The following STK32B variants were observed in gnomAD, a reference collection of about 807,000 sequenced individuals.
STK32B encodes the protein serine/threonine-protein kinase 32B.
STK32B carries 43 observed loss-of-function variants against 52.6 expected under a neutral mutation model. The ratio of observed to expected loss-of-function variants is 0.82; its 90% CI spans 0.64 to 1.05. The LOEUF is 1.05. Ranked by LOEUF, STK32B falls within the 50% of genes least tolerant of loss-of-function variation. STK32B has a pLI of 0.00. For synonymous variants in STK32B, 238 were observed against 204.3 expected (o/e 1.17, Z -1.41); for missense variants, 621 against 534.6 (o/e 1.16, Z -1.59).
chr4:5,305,058 A>T (rs28767499), intron 3 of STK32B, among the ~76,000 whole-genome samples: 1,744 of 124,802 alleles, frequency 0.014, 22 homozygotes, highest in South Asian at 0.058. Flanking sequence ...ATGGTGGATT[A>T]TTTTTTAGAT....
intron 3 of STK32B, among the ~76,000 whole-genome samples, chr4:5,180,838 A>G (rs141975251): frequency 2.4e-3 from 361 of 152,312 alleles, no homozygotes; most frequent in Non-Finnish European, 3.6e-3. Context: ...TTTTGCCTCT[A>G]AAGAACGAAT....
At chr4:5,127,127 A>G (rs768692094) in intron 1 of STK32B, 3 of 512,266 alleles carry the variant, frequency 5.9e-6, no homozygotes. Flanking sequence ...AGAATAAACA[A>G]GCTAGGATCT....
chr4:5,043,434 A>C, the STK32B span, among the ~76,000 whole-genome samples: 1 of 152,234 alleles, frequency 6.6e-6, no homozygotes, highest in Non-Finnish European at 1.5e-5. Flanking sequence ...AGTTTTGCTT[A>C]TATCTCTCAT....
intron 1 of STK32B, among the ~76,000 whole-genome samples, chr4:5,103,134 T>C (rs1713917234): frequency 6.6e-6 from 1 of 151,548 alleles, no homozygotes; most frequent in Admixed American, 6.6e-5. Flanking sequence ...CTTCATGGAT[T>C]TGGGGATCCA....
At chr4:5,210,094 C>T (rs894797819) in intron 3 of STK32B, among the ~76,000 whole-genome samples, 4 of 152,188 alleles carry the variant, frequency 2.6e-5, no homozygotes, top group East Asian at 1.9e-4. Context: ...AACACACACC[C>T]ACAGCTCAGC....
chr4:5,404,322 C>G (rs1307651662), intron 5 of STK32B, among the ~76,000 whole-genome samples: 1 of 152,122 alleles, frequency 6.6e-6, no homozygotes, highest in Non-Finnish European at 1.5e-5. Flanking sequence ...GGCAGCATAA[C>G]TCTGCTCTTC....
intron 3 of STK32B, among the ~76,000 whole-genome samples, chr4:5,184,380 T>A (rs1162827260): frequency 6.6e-6 from 1 of 152,132 alleles, no homozygotes; most frequent in Admixed American, 6.5e-5. Context: ...TACCTTCTTA[T>A]ATGGGTGCAG....
intron 5 of STK32B, among the ~76,000 whole-genome samples, chr4:5,407,928 A>AAGTG (rs1737785375): frequency 6.6e-6 from 1 of 152,092 alleles, no homozygotes; most frequent in Admixed American, 6.6e-5. Context: ...TGAATGGGAT[A>AAGTG]AGTGCCCTTA....
At chr4:5,031,906 C>T in the STK32B span, among the ~76,000 whole-genome samples, 1 of 152,114 alleles carries the variant, frequency 6.6e-6, no homozygotes, top group East Asian at 1.9e-4. Flanking sequence ...GTCGCTCTCA[C>T]CAGATCTGTG....
At chr4:5,292,717 T>A (rs1056545202) in intron 3 of STK32B, among the ~76,000 whole-genome samples, 32 of 152,220 alleles carry the variant, frequency 2.1e-4, no homozygotes, top group Middle Eastern at 3.4e-3. Flanking sequence ...GTGATAAACT[T>A]TTGCCTAGGC....
chr4:5,404,010 T>C (rs766004124), intron 5 of STK32B, among the ~76,000 whole-genome samples: 10 of 151,656 alleles, frequency 6.6e-5, no homozygotes, highest in Non-Finnish European at 1.3e-4. Flanking sequence ...GTGAGATTCT[T>C]TCCAGCGAGC....
At chr4:5,225,208 C>T (rs1029017634) in intron 3 of STK32B, among the ~76,000 whole-genome samples, 1 of 152,064 alleles carries the variant, frequency 6.6e-6, no homozygotes, top group Non-Finnish European at 1.5e-5. Context: ...CACTTGAGGT[C>T]AGGAGTTCAA....
rs1299020804 is a variant in STK32B at position 5,395,670 on chromosome 4, A to G, written c.435-2537A>G. On this transcript the variant is annotated intron_variant, in intron 4 of 11. Coordinates refer to ENST00000282908, the MANE Select transcript of STK32B (RefSeq NM_018401.3). The surrounding 1 kb of genome is among the most constrained non-coding windows in gnomAD (Gnocchi z 4.4). ...GACCGCAAAGGGGACACCCCCGTAA[A>G]TGCTTGAGATTCCACTCTGTGCTAA... Among the ~76,000 whole-genome samples the G allele has an allele frequency of 1.3e-5, 2 of 152,176 alleles. No individual in the cohort carries two copies. The highest frequency in any genetic ancestry group is 1.9e-4 in the East Asian group (1 of 5,190).
chr4:5,401,166 C>T (rs1254304330), intron 5 of STK32B, among the ~76,000 whole-genome samples: 1 of 152,164 alleles, frequency 6.6e-6, no homozygotes, highest in Non-Finnish European at 1.5e-5. Context: ...CTTATGCCTT[C>T]AAAACCTTCA....
chr4:5,489,471 C>T (rs1292791591), intron 11 of STK32B, among the ~76,000 whole-genome samples: 1 of 151,954 alleles, frequency 6.6e-6, no homozygotes, highest in Admixed American at 6.6e-5. Context: ...TTGTTTTAGG[C>T]TGGGTTCATA....
Position 5,249,521 on chromosome 4 carries a change from A to ACTTTT in STK32B, c.260+81075_260+81079dup, listed in dbSNP as rs200760246. On this transcript the variant is annotated intron_variant, in intron 3 of 11. Transcript: ENST00000282908. The stretch of plus-strand genomic sequence containing the variant: ...TTCCTTCCTCCCTCCCTTCCTTTAA[A>ACTTTT]CTTTTCTTCTCTCCTTCCTTCTTTT... 4.1e-3 allele frequency among the ~76,000 whole-genome samples: 527 copies of ACTTTT among 129,458 alleles called. 14 individuals carry two copies. The East Asian group carries it at 0.076, about 19-fold the overall frequency. The allele number at this position is 129,458 out of a possible 152,430, so 84.9% of individuals were successfully genotyped here. A position where few individuals can be genotyped will look rare whatever the true frequency, so the allele number is the denominator to read the frequency against.
chr4:5,455,599 G>A (rs1463672964), intron 7 of STK32B, among the ~76,000 whole-genome samples: 2 of 152,102 alleles, frequency 1.3e-5, no homozygotes. Flanking sequence ...TTCACAGTGT[G>A]TACCTGGAAA....
At chr4:5,250,052 C>A (rs1310610682) in intron 3 of STK32B, among the ~76,000 whole-genome samples, 2 of 152,106 alleles carry the variant, frequency 1.3e-5, no homozygotes, top group African/African-American at 4.8e-5. Flanking sequence ...GGAATGACCT[C>A]CAGTTGCATC....
At chr4:5,416,810 C>G in intron 5 of STK32B, 35 bp from the exon 6 acceptor site, 1 of 1,596,224 alleles carries the variant, frequency 6.3e-7, no homozygotes, top group East Asian at 2.2e-5. Flanking sequence ...GCCTGCAGCC[C>G]ACGCTAACTG....
Sources: gnomAD v4.1 joint callset for allele counts (sites outside exome capture counted in the v4.1 genomes callset) on GRCh38, gnomAD v4.1.1 for gene constraint, Gnocchi (gnomAD v3.1) non-coding constraint, MANE v1.5 for transcripts, NCBI Gene and HGNC (gene_info 2026-07-23, HGNC 2026-07-21) for gene names.